Variants in NAP1L4 observed in about 807,000 individuals in gnomAD.
NAP1L4 encodes the protein nucleosome assembly protein 1 like 4.
A neutral mutation model predicts 58.2 loss-of-function variants in NAP1L4; 15 were observed. The observed-to-expected ratio is 0.26, with a 90% CI of 0.17 to 0.40. The LOEUF is 0.40. Among genes scored for constraint, NAP1L4 ranks in the 10% least tolerant of loss-of-function variants. The pLI, the probability that NAP1L4 is intolerant of heterozygous loss-of-function variation, is 1.00. For synonymous variants in NAP1L4, 171 were observed against 155.6 expected, an observed-to-expected ratio of 1.10 and a Z score of -0.74; for missense variants, 384 against 451.1, an observed-to-expected ratio of 0.85 and a Z score of 1.35.
Position 2,951,570 on chromosome 11 carries a change from A to G in NAP1L4, c.1065+210T>C, listed in dbSNP as rs1469276872. On this transcript the variant is annotated intron_variant, in intron 13 of 15. Transcript: ENST00000380542. The surrounding 1 kb of genome is among the most constrained non-coding windows in gnomAD (Gnocchi z 4.0). Reference sequence around the variant, plus strand: ...TGATTATTTTCTAAGATACATTTTCATGAACCAACTGCAGGGTCAAAAACG... The same window carrying G: ...TGATTATTTTCTAAGATACATTTTCGTGAACCAACTGCAGGGTCAAAAACG... Among the ~76,000 whole-genome samples the G allele has an allele frequency of 6.6e-6, 1 of 152,238 alleles. No homozygotes were observed. The highest frequency in any genetic ancestry group is 2.4e-5 in the African/African-American group (1 of 41,454).
chr11:2,976,235 A>C, intron 3 of NAP1L4, 112 bp from the exon 4 acceptor site: 1 of 674,610 alleles, frequency 1.5e-6, no homozygotes, highest in Non-Finnish European at 2.5e-6. Flanking sequence ...ACATCTACTA[A>C]TTTCTAAATA....
At chr11:2,976,646 C>T (rs1288032056) in intron 3 of NAP1L4, among the ~76,000 whole-genome samples, 1 of 152,224 alleles carries the variant, frequency 6.6e-6, no homozygotes, top group Non-Finnish European at 1.5e-5. Context: ...TCGCCTCTGC[C>T]TTGAATGTCC....
chr11:2,973,239 C>T (rs1847756383), intron 4 of NAP1L4, among the ~76,000 whole-genome samples: 1 of 152,304 alleles, frequency 6.6e-6, no homozygotes, highest in South Asian at 2.1e-4. Context: ...CCTTTCAATT[C>T]TGTTCTATGT....
At position 2,945,388 on chromosome 11, in the gene NAP1L4, T is replaced by C; in HGVS notation, c.*291A>G. 1.8e-6 allele frequency: 1 copy of C among 550,380 alleles called. No homozygotes were observed. Among genetic ancestry groups the C allele is most frequent in the East Asian group, 3.1e-5 (1 of 32,464 alleles). 34.1% of individuals were successfully genotyped at this position (550,380 alleles called of 1,614,324 possible). On this transcript the variant is annotated 3_prime_UTR_variant, in exon 16 of 16. Transcript: ENST00000380542. ...CAGGCACCAAGGCTGCAGAGGGTGC[T>C]GGACGAAACCTCCTATTTCTGAAAT...
chr11:2,986,626 ATTTTTT>A (rs66494210), intron 1 of NAP1L4, among the ~76,000 whole-genome samples: 1 of 139,726 alleles, frequency 7.2e-6, no homozygotes, highest in Non-Finnish European at 1.5e-5. Flanking sequence ...ATGGTAGTAA[ATTTTTT>A]TTTTTTTTTT....
At chr11:2,950,427 T>C (rs1225269978) in intron 14 of NAP1L4, among the ~76,000 whole-genome samples, 3 of 152,210 alleles carry the variant, frequency 2.0e-5, no homozygotes, top group African/African-American at 7.2e-5. Flanking sequence ...CAGCTTTTAG[T>C]GCACACTCCA....
chr11:2,976,255 G>C, intron 3 of NAP1L4, 132 bp from the exon 4 acceptor site: 1 of 604,734 alleles, frequency 1.7e-6, no homozygotes, highest in Non-Finnish European at 2.9e-6. Context: ...ACATACACCA[G>C]TGACTTCTTA....
chr11:2,988,514 A>T (rs527762297), intron 1 of NAP1L4, among the ~76,000 whole-genome samples: 1 of 152,372 alleles, frequency 6.6e-6, no homozygotes, highest in Non-Finnish European at 1.5e-5. Flanking sequence ...TACATAGAAG[A>T]TGCTCATGAA....
chr11:2,945,524 G>T lies in NAP1L4; in HGVS notation c.*155C>A. Reference sequence around the variant, plus strand: ...TTAGATGGAGTAAGCTCTGTCCACGGGATTGTGCTGCGGCAAGGACCGAGG... The same window carrying T: ...TTAGATGGAGTAAGCTCTGTCCACGTGATTGTGCTGCGGCAAGGACCGAGG... On this transcript the variant is annotated 3_prime_UTR_variant, in exon 16 of 16. Coordinates refer to ENST00000380542, the MANE Select transcript of NAP1L4 (RefSeq NM_005969.4). 1 of 1,207,150 alleles carries T rather than the reference G, an allele frequency of 8.3e-7. No individual in the cohort carries two copies. Among genetic ancestry groups the T allele is most frequent in the Non-Finnish European group, 1.2e-6 (1 of 858,172 alleles). The allele number at this position is 1,207,150 out of a possible 1,614,324, so 74.8% of individuals were successfully genotyped here.
intron 4 of NAP1L4, among the ~76,000 whole-genome samples, chr11:2,973,217 A>C (rs1263626772): frequency 6.6e-6 from 1 of 152,258 alleles, no homozygotes; most frequent in Non-Finnish European, 1.5e-5. Context: ...AGTCAGGTCA[A>C]CTATGAGTTT....
rs1483472987 is a variant in NAP1L4, at chr11:2,992,294, T to C, written c.-58A>G. 6.6e-6 allele frequency: 1 copy of C among 152,222 alleles called. No individual in the cohort carries two copies. The highest frequency in any genetic ancestry group is 1.5e-5 in the Non-Finnish European group (1 of 68,076). The allele number at this position is 152,222 out of a possible 1,614,324, so 9.4% of individuals were successfully genotyped here. ...GCAGTGGCGGCGACCCTAGCTTCGCTCGCTTTGGGGCTGCGCCGCCGTGGC... is the reference window on the plus strand; with the variant it reads ...GCAGTGGCGGCGACCCTAGCTTCGCCCGCTTTGGGGCTGCGCCGCCGTGGC... On this transcript the variant is annotated 5_prime_UTR_variant, in exon 1 of 16. Coordinates refer to ENST00000380542, the MANE Select transcript of NAP1L4 (RefSeq NM_005969.4).
chr11:2,979,709 T>C (rs755004649), intron 1 of NAP1L4, among the ~76,000 whole-genome samples: 6 of 151,690 alleles, frequency 4.0e-5, no homozygotes, highest in Non-Finnish European at 7.4e-5. Context: ...GAGGCGGAGG[T>C]TGCAGCGAGC....
chr11:2,948,213 G>C lies in NAP1L4; in HGVS notation c.*32+1014C>G, dbSNP rs977775813. Among the ~76,000 whole-genome samples the C allele has an allele frequency of 6.6e-6, 1 of 152,210 alleles. No homozygotes were observed. The highest frequency in any genetic ancestry group is 2.4e-5 in the African/African-American group (1 of 41,436). On this transcript the variant is annotated intron_variant, in intron 15 of 15. Transcript: ENST00000380542. This position sits in a 1 kb window ranked among gnomAD's most constrained non-coding sequence, Gnocchi z 5.1. ...CCTGGAAAACAAAATCGTTCCAAGA[G>C]CTGCATCCGCCCTATGTACCATCAG...
In NAP1L4 at chr11:2,949,166, G is replaced by C; in HGVS notation, c.*32+61C>G. ...CCTCTTTATTCAAAGTCAAAACAAT[G>C]CATTGTATAAAGTATAGATCAGAAG... On this transcript the variant is annotated intron_variant, in intron 15 of 15. Transcript: ENST00000380542. This position sits in a 1 kb window ranked among gnomAD's most constrained non-coding sequence, Gnocchi z 4.0. The C allele has an allele frequency of 7.7e-7, 1 of 1,296,980 alleles. No individual in the cohort carries two copies. Among genetic ancestry groups the C allele is most frequent in the Non-Finnish European group, 1.1e-6 (1 of 903,350 alleles). 80.3% of individuals were successfully genotyped at this position (1,296,980 alleles called of 1,614,324 possible). A position where few individuals can be genotyped will look rare whatever the true frequency, so the allele number is the denominator to read the frequency against.
chr11:2,972,609 C>A (rs908986237), intron 4 of NAP1L4, among the ~76,000 whole-genome samples: 1 of 152,196 alleles, frequency 6.6e-6, no homozygotes, highest in African/African-American at 2.4e-5. Context: ...AGCCCTCTAA[C>A]TGACTCATCT....
At chr11:2,957,757 CA>C (rs1846630279) in intron 10 of NAP1L4, among the ~76,000 whole-genome samples, 1 of 152,064 alleles carries the variant, frequency 6.6e-6, no homozygotes, top group African/African-American at 2.4e-5. Context: ...AATAAATAAA[CA>C]AAAAGAAGCA....
intron 2 of NAP1L4, 45 bp from the exon 3 acceptor site, chr11:2,978,387 C>T (rs747033782): frequency 6.4e-7 from 1 of 1,552,518 alleles, no homozygotes; most frequent in South Asian, 1.1e-5. Context: ...AAAGAAAGTT[C>T]CAAAGACATA....
At chr11:2,973,322 T>C (rs1847760517) in intron 4 of NAP1L4, among the ~76,000 whole-genome samples, 1 of 152,224 alleles carries the variant, frequency 6.6e-6, no homozygotes, top group South Asian at 2.1e-4. Context: ...TCAAAACTAT[T>C]TGTTCAAAAC....
intron 8 of NAP1L4, 99 bp from the exon 9 acceptor site, chr11:2,960,008 A>G (rs1846768357): frequency 3.1e-6 from 4 of 1,289,686 alleles, no homozygotes; most frequent in Non-Finnish European, 4.3e-6. Context: ...TATTTTGGGA[A>G]AGCTCAACAG....
Sources: allele counts gnomAD v4.1 joint callset (sites outside exome capture counted in the v4.1 genomes callset), GRCh38; gene constraint gnomAD v4.1.1; non-coding constraint Gnocchi (gnomAD v3.1); transcripts MANE v1.5; gene names NCBI Gene and HGNC (gene_info 2026-07-23, HGNC 2026-07-21).